The following CLN5 variants were observed in gnomAD, a reference collection of about 807,000 sequenced individuals.
The protein encoded by CLN5 is CLN5 lysosomal BMP synthase.
In CLN5, 34 loss-of-function variants were observed where a neutral mutation model predicts 36.7. That is an observed-to-expected ratio of 0.93 (90% CI 0.71 to 1.23). The LOEUF (loss-of-function observed/expected upper bound fraction) is 1.23, where lower values mean the gene tolerates loss of function less well. CLN5 is among the 50% of genes most tolerant of loss of function. The pLI, the probability that CLN5 is intolerant of heterozygous loss-of-function variation, is 0.00. For synonymous variants in CLN5, 151 were observed against 155.1 expected (o/e 0.97, Z 0.20); for missense variants, 427 against 439.4 (o/e 0.97, Z 0.25).
At chr13:76,997,368 A>G (rs7334242) in intron 3 of CLN5, 11,987 of 151,902 alleles carry the variant, frequency 0.079, 690 homozygotes, top group African/African-American at 0.15. Flanking sequence ...CTGGTCTCAA[A>G]CTCCTGACCT....
intron 1 of CLN5, 161 bp downstream of exon 1, chr13:76,992,432 T>C (rs1034324646): frequency 1.4e-5 from 12 of 830,106 alleles, no homozygotes; most frequent in Non-Finnish European, 2.2e-5. Context: ...GAGAGCAAAG[T>C]TGAGGACTGG....
Position 77,001,694 on chromosome 13 carries a change from A to T in CLN5, c.*725A>T, listed in dbSNP as rs1230634198. On this transcript the variant is annotated 3_prime_UTR_variant, in exon 4 of 4. Coordinates refer to ENST00000377453, the MANE Select transcript of CLN5 (RefSeq NM_006493.4). ...ACATTGAATGGCAGTGATAATGATT[A>T]ATCAAAGAACAAATGTCATCCTTGA... 1.3e-5 allele frequency: 2 copies of T among 152,246 alleles called. No homozygotes were observed. Among genetic ancestry groups the T allele is most frequent in the Non-Finnish European group, 2.9e-5 (2 of 68,054 alleles). The allele number at this position is 152,246 out of a possible 1,614,324, so 9.4% of individuals were successfully genotyped here.
intron 1 of CLN5, 140 bp downstream of exon 1, chr13:76,992,411 G>T: frequency 3.9e-6 from 4 of 1,037,146 alleles, no homozygotes; most frequent in Non-Finnish European, 5.4e-6. Context: ...GGTGACGCTC[G>T]GAGCGCACTT....
chr13:76,996,336 G>C, intron 3 of CLN5: 1 of 536,620 alleles, frequency 1.9e-6, no homozygotes, highest in South Asian at 2.1e-5. Flanking sequence ...TGGGGAACTG[G>C]TTATGTTAAG....
At chr13:76,994,112 G>A (rs192836105) in intron 1 of CLN5, 2 of 152,206 alleles carry the variant, frequency 1.3e-5, no homozygotes, top group East Asian at 3.9e-4. Flanking sequence ...TTACTTTATA[G>A]CAAATTCAGT....
chr13:76,994,705 G>T, intron 1 of CLN5: 1 of 222,922 alleles, frequency 4.5e-6, no homozygotes, highest in Non-Finnish European at 8.9e-6. Context: ...TTAATGTATG[G>T]ACTGTTTGTA....
chr13:76,996,000 T>TCC lies in CLN5; in HGVS notation c.441_442dup (p.His148ProfsTer35). 6.2e-7 allele frequency: 1 copy of TCC among 1,614,234 alleles called. No homozygotes were observed. The highest frequency in any genetic ancestry group is 8.5e-7 in the Non-Finnish European group (1 of 1,180,042). On this transcript the variant is annotated frameshift_variant, in exon 3 of 4. Transcript: ENST00000377453. LOFTEE classifies it high-confidence loss of function. ...TTTTCCAACTTGGCAACTGTACATT[T>TCC]CCCCATCTCCGACCTGAAATGGATG...
At chr13:76,992,545 G>A in intron 1 of CLN5, 2 of 524,548 alleles carry the variant, frequency 3.8e-6, no homozygotes, top group Non-Finnish European at 6.7e-6. Flanking sequence ...AAGAAAAGGA[G>A]AGTAATGTTA....
intron 1 of CLN5, chr13:76,994,073 A>G (rs2034224598): frequency 6.6e-6 from 1 of 152,124 alleles, no homozygotes; most frequent in South Asian, 2.1e-4. Context: ...GCCTCTCTCC[A>G]TACCCTCTTT....
rs186314413 is a variant in CLN5 at position 76,995,365 on chromosome 13, T to C, written c.339+137T>C. 2,986 of 764,530 alleles carry C rather than the reference T, an allele frequency of 3.9e-3. 7 individuals are homozygous for C. The highest frequency in any genetic ancestry group is 5.7e-3 in the Non-Finnish European group (2,518 of 440,600). The allele number at this position is 764,530 out of a possible 1,614,324, so 47.4% of individuals were successfully genotyped here. The stretch of plus-strand genomic sequence containing the variant: ...TTTGTCTTAGTACATTTAAAATGAG[T>C]AGTCAAAAATAGTTACTATCAGATT... On this transcript the variant is annotated intron_variant, in intron 2 of 3. Coordinates refer to ENST00000377453, the MANE Select transcript of CLN5 (RefSeq NM_006493.4).
intron 1 of CLN5, chr13:76,992,623 A>T (rs1183472410): frequency 7.9e-6 from 3 of 379,732 alleles, no homozygotes; most frequent in African/African-American, 2.2e-5. Context: ...TGTCTATCGC[A>T]TTTATTTATA....
In CLN5 at chr13:76,992,116, C is replaced by T. The variant is rs1289582170; in HGVS notation, c.18C>T (p.Asp6=). The T allele has an allele frequency of 1.1e-5, 18 of 1,611,672 alleles. No homozygotes were observed. The highest frequency in any genetic ancestry group is 1.4e-5 in the Non-Finnish European group (17 of 1,179,318). MAQEV[D]TAQGAEMRRG... is the part of the protein sequence containing the mutation. ...GCAGCCTGATGGCGCAGGAGGTAGACACGGCACAGGGCGCCGAGATGCGGC... is the reference window on the plus strand; with the variant it reads ...GCAGCCTGATGGCGCAGGAGGTAGATACGGCACAGGGCGCCGAGATGCGGC... Residue 6 remains aspartate (D), a synonymous_variant, in exon 1 of 4, where the codon GAC becomes GAT. Coordinates refer to ENST00000377453, the MANE Select transcript of CLN5 (RefSeq NM_006493.4).
chr13:76,992,393 C>A, intron 1 of CLN5, 122 bp downstream of exon 1: 1 of 1,173,072 alleles, frequency 8.5e-7, no homozygotes, highest in Non-Finnish European at 1.2e-6. Context: ...GGTGCGGGGA[C>A]AGCGCCGGGT....
At position 77,002,385 on chromosome 13, in the gene CLN5, G is replaced by C. The variant is rs992614601; in HGVS notation, c.*1416G>C. ...TTTTAGCACCGAAGTGTGGTCCTCA[G>C]ACCAGTGCCTGCCAACCAGATGTTA... On this transcript the variant is annotated 3_prime_UTR_variant, in exon 4 of 4. Transcript: ENST00000377453. The C allele has an allele frequency of 1.3e-5, 2 of 152,234 alleles. No homozygotes were observed. Among genetic ancestry groups the C allele is most frequent in the African/African-American group, 4.8e-5 (2 of 41,462 alleles). 9.4% of individuals were successfully genotyped at this position (152,234 alleles called of 1,614,324 possible). A position where few individuals can be genotyped will look rare whatever the true frequency, so the allele number is the denominator to read the frequency against.
intron 1 of CLN5, chr13:76,993,455 G>A (rs2034213653): frequency 6.6e-6 from 1 of 152,182 alleles, no homozygotes; most frequent in South Asian, 2.1e-4. Context: ...ATGTTTGTAA[G>A]AAGTCAAAAT....
At position 76,992,213 on chromosome 13, in the gene CLN5, C is replaced by G; in HGVS notation, c.115C>G (p.Pro39Ala). ...GGCGCTGCTTTGGCTCGCGGTGGTT[C>G]CGGGCTGGTCCCGGGTCTCGGGCAT... The part of the protein sequence containing the change: ...ALALLWLAVV[P>A]GWSRVSGIPS... The change falls in exon 1 of 4, where the codon CCG (proline) becomes GCG (alanine). Residue 39 changes from proline to alanine, a missense_variant. Physicochemically the swap from Pro to Ala is conservative, Grantham distance 27 (BLOSUM62 -1). Transcript: ENST00000377453. 2 of 1,600,932 alleles carry G rather than the reference C, an allele frequency of 1.2e-6. No individual in the cohort carries two copies. Among genetic ancestry groups the G allele is most frequent in the Non-Finnish European group, 1.7e-6 (2 of 1,177,430 alleles).
intron 1 of CLN5, chr13:76,992,489 C>T: frequency 1.7e-6 from 1 of 590,780 alleles, no homozygotes; most frequent in Non-Finnish European, 3.0e-6. Flanking sequence ...CTTTCGTCCC[C>T]TCTGGTCACT....
At chr13:76,993,881 A>G (rs1254630694) in intron 1 of CLN5, 2 of 152,200 alleles carry the variant, frequency 1.3e-5, no homozygotes, top group Non-Finnish European at 1.5e-5. Flanking sequence ...ATTCTTAGAT[A>G]GAAGCTGTTG....
chr13:77,001,696 T>G lies in CLN5; in HGVS notation c.*727T>G, dbSNP rs1362790678. The G allele has an allele frequency of 6.6e-6, 1 of 152,258 alleles. No individual in the cohort carries two copies. Among genetic ancestry groups the G allele is most frequent in the Non-Finnish European group, 1.5e-5 (1 of 68,050 alleles). 9.4% of individuals were successfully genotyped at this position (152,258 alleles called of 1,614,324 possible). A position where few individuals can be genotyped will look rare whatever the true frequency, so the allele number is the denominator to read the frequency against. On this transcript the variant is annotated 3_prime_UTR_variant, in exon 4 of 4. Transcript: ENST00000377453. Reference sequence around the variant, plus strand: ...ATTGAATGGCAGTGATAATGATTAATCAAAGAACAAATGTCATCCTTGATC... The same window carrying G: ...ATTGAATGGCAGTGATAATGATTAAGCAAAGAACAAATGTCATCCTTGATC...
Sources: gnomAD v4.1 joint callset for allele counts on GRCh38, gnomAD v4.1.1 for gene constraint, MANE v1.5 for transcripts, NCBI Gene and HGNC (gene_info 2026-07-23, HGNC 2026-07-21) for gene names.